LUZP2: variants seen among roughly 807,000 people sequenced by gnomAD.
LUZP2 encodes the protein leucine zipper protein 2.
In LUZP2, 52 loss-of-function variants were observed where a neutral mutation model predicts 51.6. That is an observed-to-expected ratio of 1.01 (90% CI 0.81 to 1.27). LUZP2 has a LOEUF of 1.27. LUZP2 is among the 50% of genes most tolerant of loss of function. The probability of loss-of-function intolerance (pLI) is 0.00; values close to 1 mark genes in which losing one functional copy is unlikely to be tolerated. For missense variants in LUZP2, 436 were observed against 395.4 expected (o/e 1.10, Z -0.87); for synonymous variants, 154 against 137.3 (o/e 1.12, Z -0.85).
chr11:25,009,196 A>G (rs1422460537), intron 9 of LUZP2, among the ~76,000 whole-genome samples: 1 of 152,226 alleles, frequency 6.6e-6, no homozygotes, highest in Non-Finnish European at 1.5e-5. Context: ...GCTATGTTAA[A>G]GTATCCATAT....
chr11:24,629,243 A>T (rs1353601907), intron 1 of LUZP2, among the ~76,000 whole-genome samples: 1 of 151,550 alleles, frequency 6.6e-6, no homozygotes, highest in Non-Finnish European at 1.5e-5. Flanking sequence ...ACTCTGTTAC[A>T]CTTCTCAGTT....
intron 5 of LUZP2, among the ~76,000 whole-genome samples, chr11:24,845,448 A>G (rs1851170198): frequency 6.6e-6 from 1 of 152,152 alleles, no homozygotes; most frequent in Non-Finnish European, 1.5e-5. Flanking sequence ...TAGACTTTTC[A>G]GTTAATGCTG....
intron 4 of LUZP2, chr11:24,751,666 G>A (rs1859593488): frequency 1.5e-6 from 1 of 654,232 alleles, no homozygotes; most frequent in Non-Finnish European, 1.9e-6. Context: ...GCCATCATTG[G>A]CCCTTTTCCT....
intron 5 of LUZP2, among the ~76,000 whole-genome samples, chr11:24,837,173 G>C (rs1410783276): frequency 1.3e-5 from 2 of 151,596 alleles, no homozygotes; most frequent in South Asian, 4.2e-4. Flanking sequence ...TGGTAATTAT[G>C]TGCCATATTC....
chr11:24,617,951 C>T (rs1854346082), intron 1 of LUZP2, among the ~76,000 whole-genome samples: 1 of 152,150 alleles, frequency 6.6e-6, no homozygotes, highest in Non-Finnish European at 1.5e-5. Flanking sequence ...GTTTTAACTG[C>T]CTTCCTCTGA....
chr11:24,936,881 C>A (rs1373383804), intron 7 of LUZP2, among the ~76,000 whole-genome samples: 1 of 152,192 alleles, frequency 6.6e-6, no homozygotes, highest in Non-Finnish European at 1.5e-5. Context: ...ACTAGCGTAT[C>A]TTCCCACCCT....
intron 9 of LUZP2, among the ~76,000 whole-genome samples, chr11:24,988,681 CTGATAAGCATCAGTA>C (rs1207614282): frequency 6.6e-6 from 1 of 151,956 alleles, no homozygotes; most frequent in East Asian, 1.9e-4. Context: ...TTTAACAGCC[CTGATAAGCATCAGTA>C]TGACCTTAAA....
rs535314534 is a variant in LUZP2, at chr11:24,894,350, T to A, written c.397-11641T>A. On this transcript the variant is annotated intron_variant, in intron 5 of 11. Coordinates refer to ENST00000336930, the MANE Select transcript of LUZP2 (RefSeq NM_001009909.4). The stretch of plus-strand genomic sequence containing the variant: ...CCACCACGCCCGGCTAATTTTTGTA[T>A]TTTTAGTAGAGATGGGATTTCACCA... Among the ~76,000 whole-genome samples, 3 of 152,138 alleles carry A rather than the reference T, an allele frequency of 2.0e-5. No individual in the cohort carries two copies. In the East Asian group the frequency reaches 5.8e-4, roughly 29 times the overall value.
chr11:25,078,259 T>G (rs1031150641), intron 11 of LUZP2, among the ~76,000 whole-genome samples: 6 of 152,252 alleles, frequency 3.9e-5, no homozygotes, highest in Admixed American at 3.3e-4. Flanking sequence ...TGGAGTTAGA[T>G]TTAACTTATT....
chr11:24,679,503 C>T (rs1349753520), intron 1 of LUZP2, among the ~76,000 whole-genome samples: 3 of 152,094 alleles, frequency 2.0e-5, no homozygotes. Context: ...AATAAAACCA[C>T]AGCAGTGTTT....
rs1855801340 is a variant in LUZP2 at position 24,973,367 on chromosome 11, T to TTTC, written c.523-3222_523-3221insCTT. ...CTAGTATTCTATATATTTATTAGTT[T>TTTC]TTTTTTTTTTTTTCAAAAAAACAGC... On this transcript the variant is annotated intron_variant, in intron 7 of 11. Transcript: ENST00000336930. Among the ~76,000 whole-genome samples the TTTC allele has an allele frequency of 1.5e-4, 8 of 52,380 alleles. 1 individual carries two copies. Among genetic ancestry groups the TTTC allele is most frequent in the Admixed American group, 1.5e-3 (8 of 5,446 alleles). 34.4% of individuals were successfully genotyped at this position (52,380 alleles called of 152,430 possible).
intron 7 of LUZP2, among the ~76,000 whole-genome samples, chr11:24,975,917 C>T (rs1442044855): frequency 1.3e-5 from 2 of 151,812 alleles, no homozygotes; most frequent in African/African-American, 2.4e-5. Context: ...AACAAAATAC[C>T]ATCGACTAGT....
chr11:25,030,914 TGTA>T (rs1565254359), intron 9 of LUZP2, among the ~76,000 whole-genome samples: 7,361 of 33,908 alleles, frequency 0.22, 1,596 homozygotes, highest in African/African-American at 0.5. Flanking sequence ...TAATATATAT[TGTA>T]TTATATATAT....
chr11:24,744,997 T>C (rs1859325011), intron 4 of LUZP2, among the ~76,000 whole-genome samples: 1 of 152,190 alleles, frequency 6.6e-6, no homozygotes, highest in South Asian at 2.1e-4. Flanking sequence ...GTTATTTAAT[T>C]TCCATGTATT....
At chr11:24,893,788 A>G (rs946207861) in intron 5 of LUZP2, among the ~76,000 whole-genome samples, 1 of 151,742 alleles carries the variant, frequency 6.6e-6, no homozygotes, top group Admixed American at 6.6e-5. Flanking sequence ...ACACACACAC[A>G]CACACACACA....
At chr11:24,774,348 C>CTT (rs1848841897) in intron 5 of LUZP2, among the ~76,000 whole-genome samples, 1 of 79,518 alleles carries the variant, frequency 1.3e-5, no homozygotes, top group African/African-American at 5.3e-5. Flanking sequence ...CTCTCTCTCT[C>CTT]TCTCTCTCTC....
chr11:24,599,588 A>G (rs1178169118), intron 1 of LUZP2, among the ~76,000 whole-genome samples: 1 of 152,194 alleles, frequency 6.6e-6, no homozygotes, highest in African/African-American at 2.4e-5. Context: ...ACACCTGTCC[A>G]AACTAAGCAG....
intron 1 of LUZP2, among the ~76,000 whole-genome samples, chr11:24,683,763 C>T (rs891332746): frequency 2.6e-5 from 4 of 152,198 alleles, no homozygotes; most frequent in Non-Finnish European, 4.4e-5. Flanking sequence ...GTGCCTCTTG[C>T]ACTTACCACT....
chr11:24,968,683 A>G (rs918661766), intron 7 of LUZP2, among the ~76,000 whole-genome samples: 10 of 152,114 alleles, frequency 6.6e-5, no homozygotes, highest in African/African-American at 2.4e-4. Flanking sequence ...TGGGAGCCCC[A>G]CCCCTGCTCA....
Sources: allele counts gnomAD v4.1 joint callset (sites outside exome capture counted in the v4.1 genomes callset), GRCh38; gene constraint gnomAD v4.1.1; transcripts MANE v1.5; gene names NCBI Gene and HGNC (gene_info 2026-07-23, HGNC 2026-07-21).